CEP89: variants seen among roughly 807,000 people sequenced by gnomAD.
The protein encoded by CEP89 is centrosomal protein of 89 kDa.
A neutral mutation model predicts 97.6 loss-of-function variants in CEP89; 95 were observed. That is an observed-to-expected ratio of 0.97 (90% CI 0.82 to 1.15). The LOEUF (loss-of-function observed/expected upper bound fraction) is 1.15, where lower values mean the gene tolerates loss of function less well. Ranked by LOEUF, CEP89 falls within the 50% of genes most tolerant of loss-of-function variation. The probability of loss-of-function intolerance (pLI) is 0.00; values close to 1 mark genes in which losing one functional copy is unlikely to be tolerated. For missense variants in CEP89, 869 were observed against 947.7 expected (o/e 0.92, Z 1.09); for synonymous variants, 354 against 349.1 (o/e 1.01, Z -0.16).
intron 17 of CEP89, among the ~76,000 whole-genome samples, chr19:32,887,132 A>T (rs1193558578): frequency 6.6e-6 from 1 of 151,782 alleles, no homozygotes; most frequent in Non-Finnish European, 1.5e-5. Flanking sequence ...TCGAGGCTGC[A>T]GTGAGCCATT....
intron 16 of CEP89, among the ~76,000 whole-genome samples, chr19:32,892,368 A>C (rs527885105): frequency 2.0e-5 from 3 of 150,594 alleles, no homozygotes; most frequent in Admixed American, 1.3e-4. Flanking sequence ...CAGTGGCACT[A>C]TCTCAGCTCA....
intron 2 of CEP89, among the ~76,000 whole-genome samples, chr19:32,961,714 G>C (rs980894240): frequency 2.0e-5 from 3 of 151,882 alleles, no homozygotes; most frequent in African/African-American, 7.3e-5. Flanking sequence ...CGCAATCACA[G>C]CTCAGTATAG....
intron 5 of CEP89, among the ~76,000 whole-genome samples, chr19:32,947,873 T>C (rs1427794744): frequency 6.6e-6 from 1 of 152,160 alleles, no homozygotes; most frequent in East Asian, 1.9e-4. Context: ...CAATCATGGC[T>C]TGCTGCAGCC....
chr19:32,970,459 C>G (rs1304642494), intron 1 of CEP89: 1 of 151,952 alleles, frequency 6.6e-6, no homozygotes, highest in African/African-American at 2.4e-5. Flanking sequence ...TTAAGACCAG[C>G]CTGGGCAGCA....
At chr19:32,896,360 C>T (rs1011567405) in intron 16 of CEP89, among the ~76,000 whole-genome samples, 10 of 152,048 alleles carry the variant, frequency 6.6e-5, no homozygotes, top group South Asian at 4.2e-4. Context: ...CAAGAACATA[C>T]GCTGGGGAAA....
intron 14 of CEP89, among the ~76,000 whole-genome samples, chr19:32,909,858 G>A (rs907444404): frequency 1.3e-5 from 2 of 152,160 alleles, no homozygotes; most frequent in African/African-American, 4.8e-5. Flanking sequence ...AAGGGCATCT[G>A]CAGACCTCTG....
intron 11 of CEP89, among the ~76,000 whole-genome samples, chr19:32,923,900 G>A (rs1430744006): frequency 1.3e-5 from 2 of 151,950 alleles, no homozygotes; most frequent in African/African-American, 4.8e-5. Flanking sequence ...AGATGCAGGA[G>A]AATAAATTGG....
At chr19:32,927,903 C>CTTTTTT (rs60706354) in intron 9 of CEP89, among the ~76,000 whole-genome samples, 1 of 116,348 alleles carries the variant, frequency 8.6e-6, no homozygotes, top group Non-Finnish European at 1.7e-5. Context: ...GCACACTTGG[C>CTTTTTT]TTTTTTTTTT....
At chr19:32,898,474 G>A (rs1180564100) in intron 16 of CEP89, among the ~76,000 whole-genome samples, 1 of 152,130 alleles carries the variant, frequency 6.6e-6, no homozygotes, top group Non-Finnish European at 1.5e-5. Flanking sequence ...TTAGATAGAC[G>A]AAATAAGTTA....
At chr19:32,929,740 A>G (rs1259225575) in intron 9 of CEP89, among the ~76,000 whole-genome samples, 2 of 152,194 alleles carry the variant, frequency 1.3e-5, no homozygotes, top group Admixed American at 1.3e-4. Context: ...TGCCCGCCCC[A>G]TGGTCCTGCA....
intron 16 of CEP89, among the ~76,000 whole-genome samples, chr19:32,896,420 A>C (rs969201109): frequency 6.6e-6 from 1 of 152,200 alleles, no homozygotes; most frequent in Non-Finnish European, 1.5e-5. Context: ...ATCCATATAC[A>C]GAAAAATGAA....
rs568515610 is a variant in CEP89 at position 32,953,739 on chromosome 19, T to C, written c.368A>G (p.Tyr123Cys). ...AGTTTCAATGTCCTCTTCGTCCCCA[T>C]AGTCCAGTGTTTCAAAGGATGGCAA... ...SSLPSFETLD[Y>C]GDEEDIETQL... is the part of the protein sequence containing the mutation. The change falls in exon 4 of 19, where the codon TAT (tyrosine) becomes TGT (cysteine). Residue 123 changes from tyrosine (Y) to cysteine (C), a missense_variant. Coordinates refer to ENST00000305768, the MANE Select transcript of CEP89 (RefSeq NM_032816.5). 2.0e-5 allele frequency: 32 copies of C among 1,613,968 alleles called. No individual in the cohort carries two copies. Among genetic ancestry groups the C allele is most frequent in the Non-Finnish European group, 2.5e-5 (30 of 1,179,980 alleles).
chr19:32,933,841 G>A (rs373010635), intron 7 of CEP89, among the ~76,000 whole-genome samples, 172 bp from the exon 8 acceptor site: 4 of 152,328 alleles, frequency 2.6e-5, no homozygotes, highest in Admixed American at 6.5e-5. Flanking sequence ...AAGTCACAGC[G>A]GGTGGCAGGA....
Position 32,936,195 on chromosome 19 carries a change from C to T in CEP89, c.667+1436G>A, listed in dbSNP as rs757852781. Among the ~76,000 whole-genome samples, 2 of 152,132 alleles carry T rather than the reference C, an allele frequency of 1.3e-5. No individual in the cohort carries two copies. Among genetic ancestry groups the T allele is most frequent in the Non-Finnish European group, 2.9e-5 (2 of 68,012 alleles). On this transcript the variant is annotated intron_variant, in intron 7 of 18. Coordinates refer to ENST00000305768, the MANE Select transcript of CEP89 (RefSeq NM_032816.5). This position sits in a 1 kb window ranked among gnomAD's most constrained non-coding sequence, Gnocchi z 4.5. ...CTCCAGTCTTGCAGCAGGGTTGGAG[C>T]GGGGTTTAGGCCAAGCCTGGGCACT...
At position 32,971,531 on chromosome 19, in the gene CEP89, C is replaced by G. The variant is rs151105943; in HGVS notation, c.39+305G>C. ...AATTAGCCGGGAGTAGTGGCGCGCG[C>G]CTGTAGTCTCAGCTCCTCGGGAGGC... On this transcript the variant is annotated intron_variant, in intron 1 of 18. Coordinates refer to ENST00000305768, the MANE Select transcript of CEP89 (RefSeq NM_032816.5). The G allele has an allele frequency of 1.0e-3, 590 of 570,250 alleles. 3 individuals are homozygous for G. The highest frequency in any genetic ancestry group is 9.4e-3 in the African/African-American group (502 of 53,500). The allele number at this position is 570,250 out of a possible 1,614,324, so 35.3% of individuals were successfully genotyped here. A position where few individuals can be genotyped will look rare whatever the true frequency, so the allele number is the denominator to read the frequency against.
intron 16 of CEP89, among the ~76,000 whole-genome samples, chr19:32,891,776 T>G (rs1260495655): frequency 6.6e-6 from 1 of 151,110 alleles, no homozygotes; most frequent in East Asian, 1.9e-4. Flanking sequence ...GGAGAAAGAA[T>G]TTCTTTTGCT....
intron 11 of CEP89, among the ~76,000 whole-genome samples, chr19:32,925,083 C>T (rs1030444501): frequency 5.3e-5 from 8 of 152,120 alleles, no homozygotes; most frequent in Non-Finnish European, 1.2e-4. Flanking sequence ...GGGACATGGA[C>T]ACGGGACAGC....
In CEP89 at chr19:32,971,888, G is replaced by A. The variant is rs761417999; in HGVS notation, c.-14C>T. On this transcript the variant is annotated 5_prime_UTR_variant, in exon 1 of 19. Transcript: ENST00000305768. ...TCCCAGGAGCATCCTTGCAGCGCGA[G>A]GAGAATGGACCGGGGCCTGGACTCA... 24 of 1,584,596 alleles carry A rather than the reference G, an allele frequency of 1.5e-5. No homozygotes were observed. In the South Asian group the frequency reaches 2.4e-4, roughly 16 times the overall value.
chr19:32,957,513 AT>A (rs1246242028), intron 3 of CEP89, among the ~76,000 whole-genome samples: 3 of 151,996 alleles, frequency 2.0e-5, no homozygotes, highest in African/African-American at 7.3e-5. Flanking sequence ...CAAAATAAAA[AT>A]AAAAATTAGC....
Sources: gnomAD v4.1 joint callset for allele counts (sites outside exome capture counted in the v4.1 genomes callset) on GRCh38, gnomAD v4.1.1 for gene constraint, Gnocchi (gnomAD v3.1) non-coding constraint, MANE v1.5 for transcripts, NCBI Gene and HGNC (gene_info 2026-07-23, HGNC 2026-07-21) for gene names.